The following IRAG2 variants were observed in gnomAD, a reference collection of about 807,000 sequenced individuals.
IRAG2 encodes lymphoid restricted membrane protein.
In IRAG2, 45 loss-of-function variants were observed where a neutral mutation model predicts 69.9. That is an observed-to-expected ratio of 0.64 (90% CI 0.51 to 0.83). IRAG2 has a LOEUF of 0.83. IRAG2 is among the 40% of genes least tolerant of loss of function. The pLI is 0.00. For synonymous variants in IRAG2, 193 were observed against 202.4 expected (o/e 0.95, Z 0.40); for missense variants, 520 against 587.0 (o/e 0.89, Z 1.18).
intron 9 of IRAG2, among the ~76,000 whole-genome samples, chr12:25,079,974 AT>A (rs1947086737): frequency 6.6e-6 from 1 of 152,170 alleles, no homozygotes. Flanking sequence ...GATGGTATCA[AT>A]TTTTTTCGAT....
chr12:25,086,597 A>C (rs1450890687), intron 10 of IRAG2, among the ~76,000 whole-genome samples: 2 of 152,204 alleles, frequency 1.3e-5, no homozygotes, highest in Non-Finnish European at 2.9e-5. Context: ...AGCATTGAGG[A>C]TAATGGAATC....
rs374119301 is a variant in IRAG2 at position 25,102,264 on chromosome 12, A to C, written c.933+23A>C. On this transcript the variant is annotated intron_variant, in intron 17 of 21. Transcript: ENST00000556887. ...AAGGTAATTACTAATTCACTTAACA[A>C]ATGTCTAGCAAATACTATAAGACGG... is the stretch of plus-strand genomic sequence containing the variant. 9 of 1,591,658 alleles carry C rather than the reference A, an allele frequency of 5.7e-6. No homozygotes were observed. The African/African-American group carries it at 1.2e-4, about 21-fold the overall frequency.
chr12:24,999,884 C>T (rs1219846761), upstream of IRAG2, among the ~76,000 whole-genome samples: 1 of 151,360 alleles, frequency 6.6e-6, no homozygotes, highest in Non-Finnish European at 1.5e-5. Flanking sequence ...AATAATTTTC[C>T]AGTATAACTA....
At chr12:25,076,703 T>A in intron 6 of IRAG2, 1 of 639,744 alleles carries the variant, frequency 1.6e-6, no homozygotes, top group Non-Finnish European at 1.9e-6. Flanking sequence ...CAATAATAAA[T>A]GTTATTTCAT....
At chr12:25,089,737 AAT>A (rs746153602) in intron 12 of IRAG2, 24 bp from the exon 13 acceptor site, 1 of 1,612,998 alleles carries the variant, frequency 6.2e-7, no homozygotes, top group Admixed American at 1.7e-5. Flanking sequence ...ATTATGTTTA[AAT>A]ATGTTTTTTG....
chr12:25,049,757 C>T (rs1019634471), upstream of IRAG2, among the ~76,000 whole-genome samples: 3 of 151,850 alleles, frequency 2.0e-5, no homozygotes, highest in East Asian at 1.9e-4. Flanking sequence ...GAGGCTGAGG[C>T]GGATCACGAG....
intron 7 of IRAG2, chr12:25,021,091 C>CTTTT (rs71063389): frequency 1.4e-4 from 38 of 273,476 alleles, no homozygotes; most frequent in Middle Eastern, 1.0e-3. Context: ...TCTTTCTTTT[C>CTTTT]TTTTTTTTTT....
Position 25,069,355 on chromosome 12 carries a change from C to T in IRAG2, c.-53C>T. On this transcript the variant is annotated 5_prime_UTR_variant, in exon 6 of 22. Coordinates refer to ENST00000556887, the MANE Select transcript of IRAG2 (RefSeq NM_001366544.2). ...ACTCTACTTCCTACTGCCAGGTGCC[C>T]AGGCCCCACAAGTGGCCCCAGCCCA... The T allele has an allele frequency of 2.0e-6, 3 of 1,524,484 alleles. No homozygotes were observed. The highest frequency in any genetic ancestry group is 2.7e-6 in the Non-Finnish European group (3 of 1,102,236). 94.4% of individuals were successfully genotyped at this position (1,524,484 alleles called of 1,614,324 possible). A position where few individuals can be genotyped will look rare whatever the true frequency, so the allele number is the denominator to read the frequency against.
intron 14 of IRAG2, 113 bp downstream of exon 14, chr12:25,090,310 G>GGCA: frequency 1.1e-6 from 1 of 950,460 alleles, no homozygotes; most frequent in Non-Finnish European, 1.6e-6. Flanking sequence ...GGGAGACCAA[G>GGCA]GCAGGAGGAT....
At chr12:25,063,381 G>A (rs1490944959) in intron 3 of IRAG2, among the ~76,000 whole-genome samples, 3 of 152,184 alleles carry the variant, frequency 2.0e-5, no homozygotes, top group East Asian at 1.9e-4. Context: ...GCAGTATCAC[G>A]AAGAATTATG....
chr12:25,045,412 G>T (rs144441173), intron 16 of IRAG2, among the ~76,000 whole-genome samples: 2 of 151,926 alleles, frequency 1.3e-5, no homozygotes, highest in African/African-American at 4.8e-5. Flanking sequence ...AGAGCAAAAA[G>T]TTGTTTAAAA....
At chr12:25,107,715 G>A (rs751280428) in intron 21 of IRAG2, 102 bp from the exon 22 acceptor site, 59 of 1,100,048 alleles carry the variant, frequency 5.4e-5, no homozygotes, top group Non-Finnish European at 7.2e-5. Flanking sequence ...AGGCAGTTTT[G>A]GGGGTATGAA....
rs760313982 is a variant in IRAG2, at chr12:25,108,102, CAGTATCTGAACTTCGTAAATT to C, written c.*47_*67del. 6.3e-7 allele frequency: 1 copy of C among 1,595,094 alleles called. No individual in the cohort carries two copies. The highest frequency in any genetic ancestry group is 2.2e-5 in the East Asian group (1 of 44,576). On this transcript the variant is annotated 3_prime_UTR_variant, in exon 22 of 22. Transcript: ENST00000556887. Reference sequence around the variant, plus strand: ...TATATGGATCTTGATTTTTAAGTTTCAGTATCTGAACTTCGTAAATTAGTAACTTTTAGCTGGGAAAGTATA... The same window carrying C: ...TATATGGATCTTGATTTTTAAGTTTCAGTAACTTTTAGCTGGGAAAGTATA...
chr12:25,013,866 CTTTTT>C (rs71063386), intron 3 of IRAG2, among the ~76,000 whole-genome samples: 54 of 79,512 alleles, frequency 6.8e-4, no homozygotes, highest in African/African-American at 2.1e-3. Flanking sequence ...TTTTCTTTTT[CTTTTT>C]TTTTTTTTTT....
At chr12:25,106,609 G>A (rs1166149764) in intron 20 of IRAG2, among the ~76,000 whole-genome samples, 2 of 75,874 alleles carry the variant, frequency 2.6e-5, no homozygotes, top group Non-Finnish European at 5.6e-5. Context: ...GGTTAATGAT[G>A]AGACTAACTT....
intron 6 of IRAG2, among the ~76,000 whole-genome samples, chr12:25,077,339 GAAAT>G (rs1946857673): frequency 1.3e-5 from 1 of 76,840 alleles, no homozygotes; most frequent in Non-Finnish European, 2.5e-5. Flanking sequence ...ATATATATAT[GAAAT>G]ATATATATGA....
At chr12:25,079,315 T>G in intron 7 of IRAG2, 25 bp downstream of exon 7, 1 of 1,612,216 alleles carries the variant, frequency 6.2e-7, no homozygotes, top group African/African-American at 1.3e-5. Flanking sequence ...GTTGTGTGTG[T>G]GAATTTGTAT....
chr12:25,046,371 AAAAT>A (rs1944793684), intron 16 of IRAG2, among the ~76,000 whole-genome samples: 1 of 152,130 alleles, frequency 6.6e-6, no homozygotes, highest in African/African-American at 2.4e-5. Flanking sequence ...GCAAGAAAAA[AAAAT>A]AAAAGGCATA....
At chr12:25,016,063 GCACGTGCC>G (rs1460513006) in intron 5 of IRAG2, among the ~76,000 whole-genome samples, 1 of 152,156 alleles carries the variant, frequency 6.6e-6, no homozygotes, top group Non-Finnish European at 1.5e-5. Context: ...GGGCATGGTG[GCACGTGCC>G]CATAATCCCA....
Sources: allele counts gnomAD v4.1 joint callset (sites outside exome capture counted in the v4.1 genomes callset), GRCh38; gene constraint gnomAD v4.1.1; transcripts MANE v1.5; gene names NCBI Gene and HGNC (gene_info 2026-07-23, HGNC 2026-07-21).